UBL3: variants seen among roughly 807,000 people sequenced by gnomAD.
UBL3 encodes ubiquitin-like protein 3.
UBL3 carries 6 observed loss-of-function variants against 18.4 expected under a neutral mutation model. That is an observed-to-expected ratio of 0.33 (90% CI 0.18 to 0.64). UBL3 has a LOEUF of 0.64. UBL3 is among the 30% of genes least tolerant of loss of function. The pLI is 0.76. For missense variants in UBL3, 109 were observed against 142.9 expected (o/e 0.76, Z 1.21); for synonymous variants, 49 against 46.6 (o/e 1.05, Z -0.21).
intron 1 of UBL3, among the ~76,000 whole-genome samples, chr13:29,842,283 G>A (rs1879125220): frequency 6.6e-6 from 1 of 151,826 alleles, no homozygotes; most frequent in South Asian, 2.1e-4. Flanking sequence ...TCAGCCTCCG[G>A]AGTAGCTGCG....
chr13:29,772,591 C>T (rs969806051), intron 2 of UBL3, among the ~76,000 whole-genome samples: 1 of 151,924 alleles, frequency 6.6e-6, no homozygotes. Flanking sequence ...TTAAAATGTA[C>T]ATTTAAGGCT....
At position 29,767,277 on chromosome 13, in the gene UBL3, C is replaced by A; in HGVS notation, c.332G>T (p.Ser111Ile). ...TGTTTACAGGATTACACAACAATTA[C>A]TCTCTCCAGTCTTCTCACGATTCCT... Reference protein sequence around the residue: ...GQRNREKTGESNCCVIL With the variant: ...GQRNREKTGEINCCVIL Residue 111 changes from serine to isoleucine, a missense_variant, in exon 5 of 5, where the codon AGT (serine) becomes ATT (isoleucine). Coordinates refer to ENST00000380680, the MANE Select transcript of UBL3 (RefSeq NM_007106.4). The A allele has an allele frequency of 6.2e-7, 1 of 1,613,230 alleles. No homozygotes were observed. Among genetic ancestry groups the A allele is most frequent in the Non-Finnish European group, 8.5e-7 (1 of 1,179,388 alleles).
intron 1 of UBL3, among the ~76,000 whole-genome samples, chr13:29,797,830 T>C (rs1877654136): frequency 6.6e-6 from 1 of 152,140 alleles, no homozygotes; most frequent in Admixed American, 6.5e-5. Flanking sequence ...ATACATGAAA[T>C]CTGCCAAACA....
chr13:29,790,881 C>A (rs1183008204), intron 1 of UBL3, among the ~76,000 whole-genome samples: 2 of 152,088 alleles, frequency 1.3e-5, no homozygotes, highest in Non-Finnish European at 2.9e-5. Context: ...GTTCCCTCAT[C>A]AGTCTCTCTC....
intron 1 of UBL3, among the ~76,000 whole-genome samples, chr13:29,802,193 A>G (rs1253371540): frequency 6.6e-6 from 1 of 152,226 alleles, no homozygotes; most frequent in Non-Finnish European, 1.5e-5. Flanking sequence ...CACCAAAAAT[A>G]CTTTGCTAAT....
chr13:29,786,189 G>A (rs1186795604), intron 1 of UBL3, among the ~76,000 whole-genome samples: 3 of 152,144 alleles, frequency 2.0e-5, no homozygotes, highest in Non-Finnish European at 4.4e-5. Context: ...CTCTACTAAA[G>A]ACCAACTGAC....
intron 1 of UBL3, among the ~76,000 whole-genome samples, chr13:29,812,734 A>G (rs1565996515): frequency 6.6e-6 from 1 of 152,060 alleles, no homozygotes; most frequent in Non-Finnish European, 1.5e-5. Context: ...TATGAAATAT[A>G]GACTATTTCT....
intron 1 of UBL3, among the ~76,000 whole-genome samples, chr13:29,841,058 GA>G (rs1481672607): frequency 2.0e-5 from 3 of 151,984 alleles, no homozygotes; most frequent in African/African-American, 4.8e-5. Flanking sequence ...TGAAAGTAAA[GA>G]AAAACATATA....
intron 1 of UBL3, among the ~76,000 whole-genome samples, chr13:29,811,515 T>A (rs536792539): frequency 6.6e-6 from 1 of 152,046 alleles, no homozygotes; most frequent in South Asian, 2.1e-4. Context: ...GGAAATTTAA[T>A]CCTATGCTGC....
intron 1 of UBL3, among the ~76,000 whole-genome samples, chr13:29,778,552 T>C (rs1877062833): frequency 6.6e-6 from 1 of 152,158 alleles, no homozygotes; most frequent in African/African-American, 2.4e-5. Context: ...ATTGCACCAG[T>C]TTGAATTGTG....
At chr13:29,846,037 T>C (rs1879220070) in intron 1 of UBL3, among the ~76,000 whole-genome samples, 1 of 152,098 alleles carries the variant, frequency 6.6e-6, no homozygotes, top group African/African-American at 2.4e-5. Flanking sequence ...GCTTGCCCAG[T>C]CTTAGGCCTT....
intron 1 of UBL3, among the ~76,000 whole-genome samples, chr13:29,835,094 AT>A (rs1293431311): frequency 0.01 from 254 of 24,886 alleles, 20 homozygotes; most frequent in East Asian, 0.082. Context: ...ATATAAATAT[AT>A]ATATATATAT....
At chr13:29,802,000 G>A (rs1877783599) in intron 1 of UBL3, among the ~76,000 whole-genome samples, 1 of 152,176 alleles carries the variant, frequency 6.6e-6, no homozygotes, top group South Asian at 2.1e-4. Flanking sequence ...TGCAGCCTGG[G>A]AGTATGAAGG....
At chr13:29,820,350 CA>C (rs896519494) in intron 1 of UBL3, among the ~76,000 whole-genome samples, 4 of 151,828 alleles carry the variant, frequency 2.6e-5, no homozygotes, top group South Asian at 4.2e-4. Context: ...CTAATTTTTG[CA>C]TTTTTGTAGA....
At chr13:29,770,689 T>C (rs1202264264) in intron 3 of UBL3, among the ~76,000 whole-genome samples, 2 of 152,040 alleles carry the variant, frequency 1.3e-5, no homozygotes, top group African/African-American at 2.4e-5. Flanking sequence ...AGATCTTGTA[T>C]GAGCCATGGA....
At chr13:29,847,207 A>G (rs903068566) in intron 1 of UBL3, among the ~76,000 whole-genome samples, 9 of 152,254 alleles carry the variant, frequency 5.9e-5, no homozygotes, top group African/African-American at 1.9e-4. Context: ...AGACTTTCAC[A>G]AAGAGAAAAT....
chr13:29,784,144 T>C (rs1019442020), intron 1 of UBL3, among the ~76,000 whole-genome samples: 3 of 152,204 alleles, frequency 2.0e-5, no homozygotes, highest in Non-Finnish European at 2.9e-5. Context: ...ATTTGTTAGA[T>C]AGTATCAATT....
At chr13:29,816,580 G>A (rs1016175959) in intron 1 of UBL3, among the ~76,000 whole-genome samples, 1 of 151,538 alleles carries the variant, frequency 6.6e-6, no homozygotes, top group Non-Finnish European at 1.5e-5. Context: ...GCAACATGGT[G>A]AGATTTTGTA....
intron 1 of UBL3, among the ~76,000 whole-genome samples, chr13:29,798,890 C>T (rs1454356954): frequency 1.3e-5 from 2 of 152,152 alleles, no homozygotes; most frequent in African/African-American, 4.8e-5. Context: ...CTGCTTACCA[C>T]GGTCTCAGAA....
Sources: gnomAD v4.1 joint callset for allele counts (sites outside exome capture counted in the v4.1 genomes callset) on GRCh38, gnomAD v4.1.1 for gene constraint, MANE v1.5 for transcripts, NCBI Gene and HGNC (gene_info 2026-07-23, HGNC 2026-07-21) for gene names.